The following STAG1 variants were observed in gnomAD, a reference collection of about 807,000 sequenced individuals.
STAG1 encodes cohesin subunit SA-1.
Under a neutral mutation model 170.9 loss-of-function variants are expected in STAG1, and 26 were observed. That is an observed-to-expected ratio of 0.15 (90% CI 0.11 to 0.21). The LOEUF is 0.21. Ranked by LOEUF, STAG1 falls within the 10% of genes least tolerant of loss-of-function variation. The pLI is 1.00. For synonymous variants in STAG1, 514 were observed against 497.7 expected (o/e 1.03, Z -0.44); for missense variants, 964 against 1,509.5 (o/e 0.64, Z 5.99).
intron 20 of STAG1, 100 bp from the exon 21 acceptor site, chr3:136,418,072 G>A (rs1015852130): frequency 1.7e-5 from 16 of 938,654 alleles, no homozygotes; most frequent in East Asian, 2.6e-5. Context: ...ATTTCATTTC[G>A]GCTGGGCACA....
At position 136,493,034 on chromosome 3, in the gene STAG1, T is replaced by C. The variant is rs541610425; in HGVS notation, c.902+7189A>G. 3.3e-5 allele frequency among the ~76,000 whole-genome samples: 5 copies of C among 152,278 alleles called. No individual in the cohort carries two copies. In the South Asian group the frequency reaches 6.2e-4, roughly 19 times the overall value. On this transcript the variant is annotated intron_variant, in intron 9 of 33. Coordinates refer to ENST00000383202, the MANE Select transcript of STAG1 (RefSeq NM_005862.3). ...AGGAGGAAGGATATAAAATGAATAA[T>C]TTTAGTTTTCAACTTAAGAAACAAT...
chr3:136,641,045 A>G (rs1250305173), intron 1 of STAG1, among the ~76,000 whole-genome samples: 3 of 152,236 alleles, frequency 2.0e-5, no homozygotes, highest in Non-Finnish European at 2.9e-5. Flanking sequence ...AATTAGGAAA[A>G]ACCTCATGGT....
At chr3:136,637,756 C>T (rs9845950) in intron 1 of STAG1, among the ~76,000 whole-genome samples, 54,747 of 151,930 alleles carry the variant, frequency 0.36, 11,127 homozygotes, top group African/African-American at 0.56. Flanking sequence ...CCTGGAACTC[C>T]AGAATGAATA....
At chr3:136,401,038 A>AT (rs1442234361) in intron 21 of STAG1, among the ~76,000 whole-genome samples, 7 of 152,194 alleles carry the variant, frequency 4.6e-5, no homozygotes, top group African/African-American at 1.4e-4. Context: ...ATAGTTTAAT[A>AT]ACCTCTGTAG....
At chr3:136,723,793 G>A (rs1933471699) in intron 1 of STAG1, among the ~76,000 whole-genome samples, 1 of 142,150 alleles carries the variant, frequency 7.0e-6, no homozygotes, top group Admixed American at 6.9e-5. Context: ...GGGGGGGTCA[G>A]CCCCCCGCCC....
chr3:136,456,295 TGAGA>T (rs1191586838), intron 13 of STAG1, among the ~76,000 whole-genome samples: 1 of 151,658 alleles, frequency 6.6e-6, no homozygotes, highest in African/African-American at 2.4e-5. Context: ...AAAAACAAAA[TGAGA>T]AATATGATGA....
intron 22 of STAG1, among the ~76,000 whole-genome samples, chr3:136,391,654 C>T (rs1247517118): frequency 2.6e-5 from 4 of 152,234 alleles, no homozygotes; most frequent in African/African-American, 9.6e-5. Context: ...GGATTACAGG[C>T]GTAAGCCACC....
At chr3:136,526,847 C>T (rs937249883) in intron 6 of STAG1, among the ~76,000 whole-genome samples, 3 of 152,122 alleles carry the variant, frequency 2.0e-5, no homozygotes, top group African/African-American at 7.2e-5. Flanking sequence ...CTCCTTCACT[C>T]ATGAAGCTTA....
intron 4 of STAG1, among the ~76,000 whole-genome samples, chr3:136,601,371 TA>T (rs1938668887): frequency 1.3e-5 from 2 of 152,198 alleles, no homozygotes; most frequent in Admixed American, 6.5e-5. Flanking sequence ...AAAATATTAA[TA>T]ATTAAAATTA....
chr3:136,406,519 G>T (rs1365773999), intron 21 of STAG1, among the ~76,000 whole-genome samples: 1 of 152,002 alleles, frequency 6.6e-6, no homozygotes, highest in African/African-American at 2.4e-5. Flanking sequence ...TCATAAGACT[G>T]TACATAAATA....
At chr3:136,386,838 G>A (rs2086886476) in intron 22 of STAG1, among the ~76,000 whole-genome samples, 1 of 152,038 alleles carries the variant, frequency 6.6e-6, no homozygotes, top group Non-Finnish European at 1.5e-5. Context: ...CATAATCACA[G>A]TCAGAAAATG....
chr3:136,523,239 C>T (rs1022948187), intron 6 of STAG1, among the ~76,000 whole-genome samples: 8 of 152,160 alleles, frequency 5.3e-5, no homozygotes, highest in Non-Finnish European at 1.0e-4. Context: ...TGTCATTTCC[C>T]GGCTTTTTAA....
chr3:136,350,375 GC>G (rs1427918712), intron 28 of STAG1, among the ~76,000 whole-genome samples: 1 of 152,092 alleles, frequency 6.6e-6, no homozygotes, highest in African/African-American at 2.4e-5. Flanking sequence ...TCACCTCCCA[GC>G]CCTGTGTTGT....
At chr3:136,628,536 A>G (rs963978680) in intron 2 of STAG1, among the ~76,000 whole-genome samples, 1 of 152,110 alleles carries the variant, frequency 6.6e-6, no homozygotes, top group Non-Finnish European at 1.5e-5. Flanking sequence ...ACATAATCTC[A>G]GTCTGGGCCT....
At chr3:136,726,331 A>T (rs186096515) in intron 1 of STAG1, among the ~76,000 whole-genome samples, 3 of 152,308 alleles carry the variant, frequency 2.0e-5, no homozygotes, top group Non-Finnish European at 4.4e-5. Context: ...CAGCAGCATA[A>T]ACCATTATTC....
intron 4 of STAG1, among the ~76,000 whole-genome samples, chr3:136,592,815 G>A (rs1406800004): frequency 6.6e-6 from 1 of 152,178 alleles, no homozygotes; most frequent in East Asian, 1.9e-4. Context: ...TTTATCCTTA[G>A]TCCTCCTCTC....
At chr3:136,571,189 G>C (rs1421234478) in intron 4 of STAG1, among the ~76,000 whole-genome samples, 1 of 152,172 alleles carries the variant, frequency 6.6e-6, no homozygotes, top group East Asian at 1.9e-4. Context: ...TTCCCAAAGT[G>C]ATTGTACCAA....
At chr3:136,579,723 T>A (rs1255236762) in intron 4 of STAG1, among the ~76,000 whole-genome samples, 1 of 152,176 alleles carries the variant, frequency 6.6e-6, no homozygotes, top group Non-Finnish European at 1.5e-5. Flanking sequence ...TTGACAGGGT[T>A]GGAGGGGCAA....
chr3:136,524,558 T>G (rs1934888896), intron 6 of STAG1, among the ~76,000 whole-genome samples: 1 of 152,182 alleles, frequency 6.6e-6, no homozygotes, highest in Admixed American at 6.5e-5. Flanking sequence ...CAATTTGACT[T>G]CCTCTTCTCC....
Sources: gnomAD v4.1 joint callset for allele counts (sites outside exome capture counted in the v4.1 genomes callset) on GRCh38, gnomAD v4.1.1 for gene constraint, MANE v1.5 for transcripts, NCBI Gene and HGNC (gene_info 2026-07-23, HGNC 2026-07-21) for gene names.